LARP1: variants seen among roughly 807,000 people sequenced by gnomAD.
The protein encoded by LARP1 is La ribonucleoprotein 1, translational regulator.
Under a neutral mutation model 122.7 loss-of-function variants are expected in LARP1, and 36 were observed. That is an observed-to-expected ratio of 0.29 (90% CI 0.22 to 0.39). The LOEUF (loss-of-function observed/expected upper bound fraction) is 0.39, where lower values mean the gene tolerates loss of function less well. LARP1 is among the 10% of genes least tolerant of loss of function. The pLI, the probability that LARP1 is intolerant of heterozygous loss-of-function variation, is 1.00. For missense variants in LARP1, 1,040 were observed against 1,403.6 expected, an observed-to-expected ratio of 0.74 and a Z score of 4.14; for synonymous variants, 539 against 528.7, an observed-to-expected ratio of 1.02 and a Z score of -0.27.
At position 154,793,842 on chromosome 5, in the gene LARP1, C is replaced by T; in HGVS notation, c.911C>T (p.Pro304Leu). The change falls in exon 6 of 19, where the codon CCA becomes CTA. Residue 304 changes from proline (P) to leucine (L), a missense_variant. By Grantham distance (98) the Pro-to-Leu change is moderately conservative. Transcript: ENST00000518297. The stretch of plus-strand genomic sequence containing the variant: ...TACGTGCCCGTGGCCCCCCCCACCC[C>T]AGCCTGGCAACCAGAGATCAAACCG... ...ATYVPVAPPTPAWQPEIKPEP... is the reference protein window; with the variant it reads ...ATYVPVAPPTLAWQPEIKPEP... 2 of 1,614,190 alleles carry T rather than the reference C, an allele frequency of 1.2e-6. No individual in the cohort carries two copies.
intron 1 of LARP1, among the ~76,000 whole-genome samples, chr5:154,767,689 G>A (rs185344775): frequency 4.0e-4 from 61 of 152,294 alleles, no homozygotes; most frequent in African/African-American, 1.4e-3. Context: ...CAGCTTTGAG[G>A]TTGTTTGAAG....
chr5:154,795,975 ATATT>A (rs1009810032), intron 8 of LARP1, among the ~76,000 whole-genome samples: 6 of 118,746 alleles, frequency 5.1e-5, no homozygotes, highest in Admixed American at 4.7e-4. Context: ...TACATATTAT[ATATT>A]TATATATTAT....
chr5:154,780,835 G>T (rs1221381199), intron 1 of LARP1, among the ~76,000 whole-genome samples: 1 of 152,226 alleles, frequency 6.6e-6, no homozygotes, highest in African/African-American at 2.4e-5. Context: ...GCTGAGGCGG[G>T]TGGATCACTT....
chr5:154,777,938 A>T (rs1045921732), intron 1 of LARP1, among the ~76,000 whole-genome samples: 7 of 152,176 alleles, frequency 4.6e-5, no homozygotes, highest in Non-Finnish European at 1.0e-4. Context: ...AGATGTCATT[A>T]TTTGGCTCAT....
At chr5:154,765,577 A>G (rs1279735368) in intron 1 of LARP1, among the ~76,000 whole-genome samples, 1 of 152,092 alleles carries the variant, frequency 6.6e-6, no homozygotes, top group Admixed American at 6.5e-5. Flanking sequence ...AATTTTTTGT[A>G]GGAATGGGGT....
chr5:154,753,556 TTCCTTGGTAGC>T (rs1753617232), upstream of LARP1, among the ~76,000 whole-genome samples: 1 of 152,250 alleles, frequency 6.6e-6, no homozygotes, highest in Non-Finnish European at 1.5e-5. Context: ...TAACATTACC[TTCCTTGGTAGC>T]TCTTTTGACG....
At chr5:154,801,611 A>G (rs1758360580) in intron 10 of LARP1, among the ~76,000 whole-genome samples, 1 of 152,256 alleles carries the variant, frequency 6.6e-6, no homozygotes, top group South Asian at 2.1e-4. Context: ...GCTGTGGATC[A>G]TGGAGCTTCC....
At position 154,723,249 on chromosome 5, in the gene LARP1, T is replaced by C. The variant is rs1370603975; in HGVS notation, c.205+10119T>C. Among the ~76,000 whole-genome samples the C allele has an allele frequency of 2.6e-5, 4 of 152,366 alleles. No individual in the cohort carries two copies. In the East Asian group the frequency reaches 7.7e-4, roughly 29 times the overall value. The stretch of plus-strand genomic sequence containing the variant: ...TGCCAGCTCTAACAGGGGTTGTCAA[T>C]GCCTTAACCCTAAGGTTTTCAGCTG... On this transcript the variant is annotated intron_variant, in intron 1 of 18. Transcript: ENST00000336314.
At chr5:154,754,079 T>C (rs997303772), upstream of LARP1, among the ~76,000 whole-genome samples, 7 of 152,230 alleles carry the variant, frequency 4.6e-5, no homozygotes, top group African/African-American at 1.4e-4. Context: ...TGATTCCTAA[T>C]ACTTTGGCAT....
Position 154,703,910 on chromosome 5 carries a change from C to T in LARP1, c.-180+20873C>T, listed in dbSNP as rs550824755. 8.5e-5 allele frequency among the ~76,000 whole-genome samples: 13 copies of T among 152,188 alleles called. No homozygotes were observed. In the South Asian group the frequency reaches 2.3e-3, roughly 27 times the overall value. On this transcript the variant is annotated intron_variant, in intron 1 of 18. Transcript: ENST00000687700. ...TGCTGGGAATACAGGCATGAGCCACCGCGCCCAGCCAAAATTTTTTTAAAT... is the reference window on the plus strand; with the variant it reads ...TGCTGGGAATACAGGCATGAGCCACTGCGCCCAGCCAAAATTTTTTTAAAT...
intron 1 of LARP1, among the ~76,000 whole-genome samples, chr5:154,724,000 A>C (rs1232510230): frequency 6.6e-6 from 1 of 152,190 alleles, no homozygotes; most frequent in South Asian, 2.1e-4. Context: ...CCCTGCCTTC[A>C]TGGGTATAAG....
At position 154,814,198 on chromosome 5, in the gene LARP1, C is replaced by G; in HGVS notation, c.*102C>G. 2 of 1,189,014 alleles carry G rather than the reference C, an allele frequency of 1.7e-6. No homozygotes were observed. Among genetic ancestry groups the G allele is most frequent in the Non-Finnish European group, 2.4e-6 (2 of 827,874 alleles). The allele number at this position is 1,189,014 out of a possible 1,614,324, so 73.7% of individuals were successfully genotyped here. On this transcript the variant is annotated 3_prime_UTR_variant, in exon 19 of 19. Transcript: ENST00000518297. ...GAAAGGGGACAATGAAGGGACAGGCCTGGAGTTACTAGGACAGGCCTTTGT... is the reference window on the plus strand; with the variant it reads ...GAAAGGGGACAATGAAGGGACAGGCGTGGAGTTACTAGGACAGGCCTTTGT...
At chr5:154,696,003 G>A (rs967754508) in intron 1 of LARP1, among the ~76,000 whole-genome samples, 4 of 152,166 alleles carry the variant, frequency 2.6e-5, no homozygotes, top group African/African-American at 9.7e-5. Context: ...GGGGATAGCA[G>A]CTAGGTTTAG....
chr5:154,807,242 A>C (rs532463467), intron 15 of LARP1, among the ~76,000 whole-genome samples: 60 of 152,198 alleles, frequency 3.9e-4, no homozygotes, highest in African/African-American at 1.4e-3. Context: ...TCATCAGTTG[A>C]TTGGCATTTG....
intron 1 of LARP1, among the ~76,000 whole-genome samples, chr5:154,694,908 T>C (rs913557250): frequency 2.6e-5 from 4 of 152,276 alleles, no homozygotes; most frequent in African/African-American, 9.6e-5. Flanking sequence ...GTTATTGTTG[T>C]TGAGACAGGG....
chr5:154,799,486 A>G (rs1758165908), intron 8 of LARP1, 105 bp from the exon 9 acceptor site: 2 of 1,139,166 alleles, frequency 1.8e-6, no homozygotes, highest in Non-Finnish European at 2.6e-6. Context: ...TACTGGTAGC[A>G]TTGGACTCAT....
At chr5:154,804,740 G>C (rs767517867) in intron 14 of LARP1, 5 of 456,144 alleles carry the variant, frequency 1.1e-5, no homozygotes, top group South Asian at 7.7e-5. Flanking sequence ...CTGCTTCTTG[G>C]GGTAGGGCCC....
intron 1 of LARP1, among the ~76,000 whole-genome samples, chr5:154,702,579 T>G (rs1363508257): frequency 3.3e-5 from 5 of 149,324 alleles, no homozygotes; most frequent in Admixed American, 6.7e-5. Context: ...AAACTTCAAG[T>G]GGTGGCATTT....
At chr5:154,722,448 T>G (rs575018486) in intron 1 of LARP1, among the ~76,000 whole-genome samples, 3 of 152,218 alleles carry the variant, frequency 2.0e-5, no homozygotes, top group Admixed American at 6.5e-5. Flanking sequence ...GTTGATAGGT[T>G]AGAGAACAGG....
Sources: allele counts gnomAD v4.1 joint callset (sites outside exome capture counted in the v4.1 genomes callset), GRCh38; gene constraint gnomAD v4.1.1; transcripts MANE v1.5; gene names NCBI Gene and HGNC (gene_info 2026-07-23, HGNC 2026-07-21).